CHP1: variants seen among roughly 807,000 people sequenced by gnomAD.
CHP1 encodes the protein calcineurin like EF-hand protein 1.
A neutral mutation model predicts 27.4 loss-of-function variants in CHP1; 11 were observed. That is an observed-to-expected ratio of 0.40 (90% CI 0.25 to 0.67). The LOEUF (loss-of-function observed/expected upper bound fraction) is 0.67. Among genes scored for constraint, CHP1 ranks in the 30% least tolerant of loss-of-function variants. The pLI is 0.38. For missense variants in CHP1, 169 were observed against 251.3 expected (o/e 0.67, Z 2.22); for synonymous variants, 89 against 87.4 (o/e 1.02, Z -0.10).
Position 41,253,516 on chromosome 15 carries a change from G to T in CHP1, c.141-3394G>T, listed in dbSNP as rs183520140. Among the ~76,000 whole-genome samples the T allele has an allele frequency of 1.4e-3, 215 of 150,974 alleles. 1 individual carries two copies. The highest frequency in any genetic ancestry group is 5.1e-3 in the African/African-American group (208 of 41,064). ...TGTCACCAGGCTGGAGTGCAGTGGC[G>T]CAATCTTGGCTCACTGCAACCTCCA... On this transcript the variant is annotated intron_variant, in intron 2 of 6. Coordinates refer to ENST00000334660, the MANE Select transcript of CHP1 (RefSeq NM_007236.5).
chr15:41,276,712 A>G (rs1475682873), intron 5 of CHP1, among the ~76,000 whole-genome samples: 1 of 152,212 alleles, frequency 6.6e-6, no homozygotes, highest in African/African-American at 2.4e-5. Flanking sequence ...TTCTTGGGCC[A>G]TACTTTAGGA....
intron 4 of CHP1, among the ~76,000 whole-genome samples, chr15:41,263,480 G>T (rs1316421645): frequency 6.6e-6 from 1 of 152,052 alleles, no homozygotes; most frequent in Non-Finnish European, 1.5e-5. Context: ...GCCCTTATTG[G>T]TTCATGTACA....
intron 5 of CHP1, among the ~76,000 whole-genome samples, chr15:41,275,120 G>A (rs1036830568): frequency 1.3e-4 from 19 of 151,624 alleles, no homozygotes; most frequent in African/African-American, 4.4e-4. Context: ...TTCTATTGGG[G>A]TACATTTGTA....
chr15:41,244,976 G>A (rs2047326638), intron 2 of CHP1, among the ~76,000 whole-genome samples: 1 of 152,048 alleles, frequency 6.6e-6, no homozygotes, highest in South Asian at 2.1e-4. Context: ...AAGGGGGAAG[G>A]AATACAGTTG....
intron 3 of CHP1, among the ~76,000 whole-genome samples, chr15:41,258,779 T>G (rs2047415992): frequency 6.6e-6 from 1 of 152,202 alleles, no homozygotes; most frequent in African/African-American, 2.4e-5. Context: ...TTTATATGGA[T>G]AGTCTATGAC....
At chr15:41,264,250 T>C in intron 4 of CHP1, 1 of 1,276,938 alleles carries the variant, frequency 7.8e-7, no homozygotes, top group Non-Finnish European at 1.0e-6. Context: ...GTCCTTCCCC[T>C]CACTTTGATA....
At chr15:41,278,945 G>T (rs1361736108) in intron 6 of CHP1, 56 bp downstream of exon 6, 2 of 1,604,746 alleles carry the variant, frequency 1.2e-6, no homozygotes, top group Non-Finnish European at 1.7e-6. Context: ...GGGCGCGGTG[G>T]CTTACGCCTG....
chr15:41,276,284 G>A (rs111979120), intron 5 of CHP1, among the ~76,000 whole-genome samples: 101 of 151,998 alleles, frequency 6.6e-4, no homozygotes, highest in Non-Finnish European at 1.2e-3. Context: ...GTAGAAGGGA[G>A]TAAAGGAGTG....
chr15:41,253,088 G>A (rs1350776412), intron 2 of CHP1, among the ~76,000 whole-genome samples: 3 of 151,644 alleles, frequency 2.0e-5, no homozygotes, highest in African/African-American at 7.3e-5. Flanking sequence ...ACAGGCTCGC[G>A]CCACCATGCC....
At chr15:41,238,821 C>T (rs2047291453) in intron 1 of CHP1, among the ~76,000 whole-genome samples, 1 of 152,096 alleles carries the variant, frequency 6.6e-6, no homozygotes, top group Non-Finnish European at 1.5e-5. Flanking sequence ...CACTGCACTC[C>T]ATCCTGGGTG....
chr15:41,280,065 C>CCT lies in CHP1; in HGVS notation c.*679_*680dup, dbSNP rs1567013859. ...ACTTCTCTCAGAAGTATGAGACCAT[C>CCT]CTCTGCACTCTGCTCTGTCATCAAA... On this transcript the variant is annotated 3_prime_UTR_variant, in exon 7 of 7. Transcript: ENST00000334660. The CCT allele has an allele frequency of 6.6e-6, 1 of 152,218 alleles. No homozygotes were observed. Among genetic ancestry groups the CCT allele is most frequent in the Non-Finnish European group, 1.5e-5 (1 of 68,104 alleles). 9.4% of individuals were successfully genotyped at this position (152,218 alleles called of 1,614,324 possible).
chr15:41,269,246 CAG>C (rs985332186), intron 4 of CHP1, among the ~76,000 whole-genome samples: 7 of 151,462 alleles, frequency 4.6e-5, no homozygotes, highest in Non-Finnish European at 8.8e-5. Context: ...CCAAATTAAA[CAG>C]AGCAGAAAAA....
chr15:41,261,066 AATTG>A (rs1158363447), intron 3 of CHP1, among the ~76,000 whole-genome samples: 15 of 151,334 alleles, frequency 9.9e-5, no homozygotes, highest in African/African-American at 2.9e-4. Context: ...TTGATTGATT[AATTG>A]ATTGATTCCT....
intron 2 of CHP1, among the ~76,000 whole-genome samples, chr15:41,251,716 A>C (rs2047367765): frequency 6.6e-6 from 1 of 152,160 alleles, no homozygotes; most frequent in South Asian, 2.1e-4. Flanking sequence ...TGTCATCCTG[A>C]AACTATCCTG....
At position 41,258,072 on chromosome 15, in the gene CHP1, T is replaced by TA. The variant is rs1247353639; in HGVS notation, c.221+1083dup. 2.6e-5 allele frequency among the ~76,000 whole-genome samples: 4 copies of TA among 152,300 alleles called. No homozygotes were observed. The East Asian group carries it at 7.7e-4, about 29-fold the overall frequency. On this transcript the variant is annotated intron_variant, in intron 3 of 6. Transcript: ENST00000334660. ...TCTTTCCCCTCTCTCTACCTACACA[T>TA]ACTCTACGTGTGTGTGTATATACAT...
Position 41,243,650 on chromosome 15 carries a change from A to T in CHP1, c.68-17A>T. On this transcript the variant is annotated splice_polypyrimidine_tract_variant and intron_variant, in intron 1 of 6. Transcript: ENST00000334660. ...GGGCTACTTCCCCCGAGCTGGGACT[A>T]ATTTTGTGCTCTTTAGTTTCCCACA... The T allele has an allele frequency of 6.2e-7, 1 of 1,612,958 alleles. No homozygotes were observed. The highest frequency in any genetic ancestry group is 1.7e-5 in the Admixed American group (1 of 59,972).
Position 41,231,299 on chromosome 15 carries a change from C to T in CHP1, c.-84C>T. 1 of 1,338,644 alleles carries T rather than the reference C, an allele frequency of 7.5e-7. No homozygotes were observed. The highest frequency in any genetic ancestry group is 1.3e-5 in the South Asian group (1 of 79,688). The allele number at this position is 1,338,644 out of a possible 1,614,324, so 82.9% of individuals were successfully genotyped here. A position where few individuals can be genotyped will look rare whatever the true frequency, so the allele number is the denominator to read the frequency against. ...AACACTGCCCTCTCCCTTCTTGACC[C>T]CTAGCCCTTCCTTCCCTCCCTCCTT... On this transcript the variant is annotated 5_prime_UTR_variant, in exon 1 of 7. Transcript: ENST00000334660.
At chr15:41,240,297 A>G (rs1189583920) in intron 1 of CHP1, among the ~76,000 whole-genome samples, 2 of 152,088 alleles carry the variant, frequency 1.3e-5, no homozygotes, top group African/African-American at 4.8e-5. Context: ...CCTGGCTCTC[A>G]TTTGTTCATT....
At chr15:41,255,861 CA>C (rs1555420633) in intron 2 of CHP1, among the ~76,000 whole-genome samples, 1 of 151,890 alleles carries the variant, frequency 6.6e-6, no homozygotes, top group African/African-American at 2.4e-5. Flanking sequence ...ACTAAATGTA[CA>C]AAAAACTAGC....
Sources: gnomAD v4.1 joint callset for allele counts (sites outside exome capture counted in the v4.1 genomes callset) on GRCh38, gnomAD v4.1.1 for gene constraint, MANE v1.5 for transcripts, NCBI Gene and HGNC (gene_info 2026-07-23, HGNC 2026-07-21) for gene names.